MAGEC3: variants seen among roughly 807,000 people sequenced by gnomAD.
MAGEC3 encodes the protein melanoma-associated antigen C3.
Under a neutral mutation model 35.3 loss-of-function variants are expected in MAGEC3, and 34 were observed. The ratio of observed to expected loss-of-function variants is 0.96; its 90% CI spans 0.73 to 1.28. MAGEC3 has a LOEUF of 1.28. Ranked by LOEUF, MAGEC3 falls within the 50% of genes most tolerant of loss-of-function variation. MAGEC3 has a pLI of 0.00. For synonymous variants in MAGEC3, 202 were observed against 185.6 expected (o/e 1.09, Z -0.72); for missense variants, 561 against 483.6 (o/e 1.16, Z -1.50).
chrX:141,883,798 A>T (rs2017982962), intron 4 of MAGEC3, among the ~76,000 whole-genome samples: 1 of 113,009 alleles, frequency 8.8e-6, no homozygotes, highest in African/African-American at 3.2e-5. Context: ...TAAAAACAGA[A>T]CAATAACAAA....
At chrX:141,895,138 G>C (rs1352381827) in intron 4 of MAGEC3, 131 bp from the exon 5 acceptor site, 73 of 760,581 alleles carry the variant, frequency 9.6e-5, no homozygotes, top group Non-Finnish European at 1.4e-4. Flanking sequence ...AAAGGGGTCG[G>C]GGGGCGCTGA....
intron 2 of MAGEC3, among the ~76,000 whole-genome samples, chrX:141,870,362 C>A (rs2017879850): frequency 9.0e-6 from 1 of 110,941 alleles, no homozygotes; most frequent in Admixed American, 9.6e-5. Context: ...CTGTTAAGAC[C>A]CTTGACAAGT....
chrX:141,876,963 G>A (rs4633169), intron 2 of MAGEC3, among the ~76,000 whole-genome samples: 29,323 of 111,219 alleles, frequency 0.26, 4,509 homozygotes, highest in African/African-American at 0.58. Flanking sequence ...AATTCTTACT[G>A]TCTGGTAGAC....
intron 1 of MAGEC3, among the ~76,000 whole-genome samples, chrX:141,846,660 G>A (rs757340412): frequency 9.0e-6 from 1 of 111,165 alleles, no homozygotes; most frequent in South Asian, 3.7e-4. Context: ...TTTACAGTAT[G>A]TTAATTCTAC....
chrX:141,858,293 G>T (rs1259364650), intron 1 of MAGEC3, among the ~76,000 whole-genome samples: 2 of 110,726 alleles, frequency 1.8e-5, no homozygotes, highest in Non-Finnish European at 3.8e-5. Context: ...CAAAGGAAGG[G>T]TCAAGTTTGT....
At chrX:141,888,862 C>T (rs1339344083) in intron 4 of MAGEC3, among the ~76,000 whole-genome samples, 1 of 112,119 alleles carries the variant, frequency 8.9e-6, no homozygotes, top group South Asian at 3.8e-4. Flanking sequence ...TACCTTGTAG[C>T]AAGTTGATTA....
chrX:141,857,740 C>A (rs918098035), intron 1 of MAGEC3, among the ~76,000 whole-genome samples: 4 of 111,202 alleles, frequency 3.6e-5, no homozygotes, highest in Admixed American at 9.6e-5. Context: ...TTCCTTGACA[C>A]CTGAAACACG....
rs189095560 is a variant in MAGEC3, at chrX:141,890,882, C to G, written c.910-4387C>G. 1.3e-4 allele frequency among the ~76,000 whole-genome samples: 15 copies of G among 111,864 alleles called. No homozygotes were observed. The East Asian group carries it at 4.2e-3, about 32-fold the overall frequency. ...TTCATTTCTGTTCAGCAGTTAACAT[C>G]TGTTGTGATGTGGAACTGCAAGGTG... On this transcript the variant is annotated intron_variant, in intron 4 of 7. Coordinates refer to ENST00000298296, the MANE Select transcript of MAGEC3 (RefSeq NM_138702.1).
intron 2 of MAGEC3, among the ~76,000 whole-genome samples, chrX:141,874,824 A>AC (rs1204781601): frequency 1.8e-5 from 2 of 109,704 alleles, no homozygotes; most frequent in Non-Finnish European, 3.8e-5. Context: ...ATGGTAAAAA[A>AC]AAAAAAAGTA....
intron 4 of MAGEC3, chrX:141,894,909 T>G: frequency 2.6e-6 from 2 of 755,806 alleles, no homozygotes; most frequent in Non-Finnish European, 3.3e-6. Context: ...GGCAGGTTGG[T>G]AGGCCCGAAG....
chrX:141,873,459 G>T (rs1309976912), intron 2 of MAGEC3, among the ~76,000 whole-genome samples: 2 of 111,302 alleles, frequency 1.8e-5, no homozygotes, highest in African/African-American at 6.5e-5. Flanking sequence ...TGTTTTATCT[G>T]TGTTTTACTG....
chrX:141,877,919 T>C (rs2017930056), intron 2 of MAGEC3, among the ~76,000 whole-genome samples: 1 of 112,141 alleles, frequency 8.9e-6, no homozygotes, highest in Non-Finnish European at 1.9e-5. Context: ...AATGAGCCAG[T>C]ATTTGTACAT....
At chrX:141,850,859 C>G (rs924310697) in intron 1 of MAGEC3, among the ~76,000 whole-genome samples, 20 of 110,483 alleles carry the variant, frequency 1.8e-4, no homozygotes, top group Non-Finnish European at 1.9e-4. Flanking sequence ...CTGATTAATT[C>G]CCTAGAAAGA....
chrX:141,868,039 T>G (rs1165137556), intron 2 of MAGEC3, among the ~76,000 whole-genome samples: 1 of 109,649 alleles, frequency 9.1e-6, no homozygotes, highest in East Asian at 2.9e-4. Context: ...AGCAGAATGG[T>G]GTGAACCCGG....
At chrX:141,881,364 T>G in intron 3 of MAGEC3, 39 bp from the exon 4 acceptor site, 1 of 1,166,814 alleles carries the variant, frequency 8.6e-7, no homozygotes, top group Non-Finnish European at 1.1e-6. Flanking sequence ...ATGAAGAGCC[T>G]AGCAGCCAAT....
At chrX:141,888,441 G>A (rs1337994335) in intron 4 of MAGEC3, among the ~76,000 whole-genome samples, 2 of 112,292 alleles carry the variant, frequency 1.8e-5, no homozygotes, top group Non-Finnish European at 3.8e-5. Context: ...GAAGGTCAGG[G>A]ACTTGGAAGA....
At chrX:141,894,513 G>T (rs1385239121) in intron 4 of MAGEC3, 1 of 449,427 alleles carries the variant, frequency 2.2e-6, no homozygotes, top group Non-Finnish European at 3.2e-6. Context: ...AAAGTAGAAG[G>T]TTTTGGAATG....
At chrX:141,852,626 G>A (rs1017747263) in intron 1 of MAGEC3, among the ~76,000 whole-genome samples, 9 of 110,477 alleles carry the variant, frequency 8.1e-5, no homozygotes, top group African/African-American at 3.0e-4. Context: ...AGTTTGTTGA[G>A]TTGTTTTCTT....
At chrX:141,849,323 A>G (rs774535664) in intron 1 of MAGEC3, among the ~76,000 whole-genome samples, 31 of 111,278 alleles carry the variant, frequency 2.8e-4, no homozygotes, top group African/African-American at 9.8e-4. Flanking sequence ...CAGACTATAA[A>G]TATCCTAAAA....
Sources: gnomAD v4.1 joint callset for allele counts (sites outside exome capture counted in the v4.1 genomes callset) on GRCh38, gnomAD v4.1.1 for gene constraint, MANE v1.5 for transcripts, NCBI Gene and HGNC (gene_info 2026-07-23, HGNC 2026-07-21) for gene names.